The following ADIPOR2 variants were observed in gnomAD, a reference collection of about 807,000 sequenced individuals.
ADIPOR2 encodes adiponectin receptor protein 2.
ADIPOR2 carries 18 observed loss-of-function variants against 40.9 expected under a neutral mutation model. That is an observed-to-expected ratio of 0.44 (90% CI 0.30 to 0.65). ADIPOR2 has a LOEUF of 0.65. Among genes scored for constraint, ADIPOR2 ranks in the 30% least tolerant of loss-of-function variants. ADIPOR2 has a pLI of 0.09. For missense variants in ADIPOR2, 283 were observed against 479.2 expected (o/e 0.59, Z 3.82); for synonymous variants, 165 against 166.4 (o/e 0.99, Z 0.06).
At chr12:1,755,675 G>T (rs1862109977) in intron 2 of ADIPOR2, among the ~76,000 whole-genome samples, 1 of 152,186 alleles carries the variant, frequency 6.6e-6, no homozygotes, top group Non-Finnish European at 1.5e-5. Context: ...GAAAGTCATT[G>T]TTACAGACAT....
intron 1 of ADIPOR2, among the ~76,000 whole-genome samples, chr12:1,715,897 A>G (rs913545277): frequency 6.6e-6 from 1 of 152,166 alleles, no homozygotes; most frequent in Non-Finnish European, 1.5e-5. Flanking sequence ...AAATGGACCA[A>G]TCAGCAGGAC....
intron 1 of ADIPOR2, among the ~76,000 whole-genome samples, chr12:1,706,739 C>T (rs1201608283): frequency 6.6e-6 from 1 of 152,122 alleles, no homozygotes; most frequent in Non-Finnish European, 1.5e-5. Context: ...CAAAACCTTC[C>T]TCGTGTCCCT....
chr12:1,703,828 C>G (rs2094655919), intron 1 of ADIPOR2, among the ~76,000 whole-genome samples: 1 of 151,948 alleles, frequency 6.6e-6, no homozygotes, highest in African/African-American at 2.4e-5. Flanking sequence ...ATCCCACCAC[C>G]CCAGCCTCTG....
At chr12:1,700,018 A>G (rs2094647069) in intron 1 of ADIPOR2, among the ~76,000 whole-genome samples, 1 of 152,260 alleles carries the variant, frequency 6.6e-6, no homozygotes, top group Admixed American at 6.5e-5. Context: ...TGGGAAAAAT[A>G]ACTGGAAAAG....
chr12:1,695,024 T>G (rs76563435), intron 1 of ADIPOR2, among the ~76,000 whole-genome samples: 45,830 of 144,424 alleles, frequency 0.32, 7,675 homozygotes, highest in East Asian at 0.5. Context: ...TTTTTTTTTT[T>G]TTTGTTTTGT....
chr12:1,700,813 G>T (rs1480055733), intron 1 of ADIPOR2, among the ~76,000 whole-genome samples: 1 of 148,458 alleles, frequency 6.7e-6, no homozygotes, highest in East Asian at 2.0e-4. Context: ...AAAAAAAAAG[G>T]TGAGGGCTAA....
At chr12:1,759,832 G>A (rs1478037292) in intron 2 of ADIPOR2, among the ~76,000 whole-genome samples, 2 of 152,030 alleles carry the variant, frequency 1.3e-5, no homozygotes, top group Non-Finnish European at 2.9e-5. Context: ...TGAGACCAGC[G>A]TGTCCATCAT....
intron 1 of ADIPOR2, among the ~76,000 whole-genome samples, chr12:1,709,110 T>G (rs1164015345): frequency 2.0e-5 from 3 of 152,204 alleles, no homozygotes; most frequent in Non-Finnish European, 4.4e-5. Flanking sequence ...TTTCCATAAA[T>G]TTTGGTATTA....
At chr12:1,705,192 T>C (rs1334044464) in intron 1 of ADIPOR2, among the ~76,000 whole-genome samples, 1 of 152,200 alleles carries the variant, frequency 6.6e-6, no homozygotes, top group Non-Finnish European at 1.5e-5. Flanking sequence ...TGAACAGATT[T>C]TATTTTTGAA....
intron 1 of ADIPOR2, among the ~76,000 whole-genome samples, chr12:1,726,099 G>T (rs190261942): frequency 1.2e-4 from 19 of 152,298 alleles, no homozygotes; most frequent in African/African-American, 4.6e-4. Context: ...AGAGAAAATT[G>T]CTTTTGAGGT....
rs11835801 is a variant in ADIPOR2 at position 1,779,510 on chromosome 12, A to G, written c.464-941A>G. Among the ~76,000 whole-genome samples the G allele has an allele frequency of 1.3e-3, 192 of 152,148 alleles. 1 individual carries two copies. Among genetic ancestry groups the G allele is most frequent in the African/African-American group, 4.5e-3 (187 of 41,470 alleles). ...TAGATTAGTGGTTGTTTAGGGCTGT[A>G]AGGAGTGGGGAATGGGGGATGACAG... On this transcript the variant is annotated intron_variant, in intron 4 of 7. Transcript: ENST00000357103.
chr12:1,765,752 G>A (rs1041577422), intron 2 of ADIPOR2, among the ~76,000 whole-genome samples: 20 of 151,562 alleles, frequency 1.3e-4, no homozygotes, highest in Middle Eastern at 3.2e-3. Context: ...TTCTTCTATA[G>A]CCTTCAAATG....
chr12:1,780,658 T>C (rs775110533), intron 5 of ADIPOR2, 21 bp downstream of exon 5: 1 of 1,527,580 alleles, frequency 6.5e-7, no homozygotes, highest in Non-Finnish European at 8.8e-7. Context: ...GTAAAGTCCG[T>C]ATTTTGGCCA....
At chr12:1,746,187 A>C (rs1197501660) in intron 1 of ADIPOR2, among the ~76,000 whole-genome samples, 1 of 152,248 alleles carries the variant, frequency 6.6e-6, no homozygotes, top group African/African-American at 2.4e-5. Context: ...ACAGTTTGCT[A>C]ATATCAGACA....
chr12:1,694,222 A>C (rs1380721620), intron 1 of ADIPOR2, among the ~76,000 whole-genome samples: 4 of 152,228 alleles, frequency 2.6e-5, no homozygotes, highest in Non-Finnish European at 5.9e-5. Flanking sequence ...GATTTCATGC[A>C]GTCTGATTTG....
intron 1 of ADIPOR2, among the ~76,000 whole-genome samples, chr12:1,749,122 A>G (rs944617150): frequency 2.6e-5 from 4 of 152,134 alleles, no homozygotes; most frequent in African/African-American, 9.7e-5. Context: ...GAATATTGCA[A>G]AGGTTACAGA....
At chr12:1,743,660 C>G (rs2094748568) in intron 1 of ADIPOR2, among the ~76,000 whole-genome samples, 1 of 152,036 alleles carries the variant, frequency 6.6e-6, no homozygotes, top group Non-Finnish European at 1.5e-5. Flanking sequence ...GAGACCCTAT[C>G]TCTAAAAATA....
At chr12:1,753,160 C>G (rs920650769) in intron 1 of ADIPOR2, among the ~76,000 whole-genome samples, 2 of 152,154 alleles carry the variant, frequency 1.3e-5, no homozygotes, top group Non-Finnish European at 2.9e-5. Context: ...CCTACTTTGC[C>G]CTACTCCTTT....
At chr12:1,718,524 A>G (rs1767884603) in intron 1 of ADIPOR2, among the ~76,000 whole-genome samples, 1 of 152,202 alleles carries the variant, frequency 6.6e-6, no homozygotes, top group African/African-American at 2.4e-5. Context: ...CTTTTTAGAA[A>G]GTCAAATTTG....
Sources: allele counts gnomAD v4.1 joint callset (sites outside exome capture counted in the v4.1 genomes callset), GRCh38; gene constraint gnomAD v4.1.1; transcripts MANE v1.5; gene names NCBI Gene and HGNC (gene_info 2026-07-23, HGNC 2026-07-21).